PDE4D: variants seen among roughly 807,000 people sequenced by gnomAD.
PDE4D encodes phosphodiesterase 4D.
In PDE4D, 24 loss-of-function variants were observed where a neutral mutation model predicts 87.4. The ratio of observed to expected loss-of-function variants is 0.27; its 90% confidence interval spans 0.20 to 0.39. The LOEUF (loss-of-function observed/expected upper bound fraction) is 0.39. Ranked by LOEUF, PDE4D falls within the 10% of genes least tolerant of loss-of-function variation. The probability of loss-of-function intolerance (pLI) is 1.00; values close to 1 mark genes in which losing one functional copy is unlikely to be tolerated. For synonymous variants in PDE4D, 384 were observed against 383.2 expected, an observed-to-expected ratio of 1.00 and a Z score of -0.02; for missense variants, 714 against 1,041.0, an observed-to-expected ratio of 0.69 and a Z score of 4.32.
intron 2 of PDE4D, among the ~76,000 whole-genome samples, chr5:60,044,520 C>A (rs969353316): frequency 6.6e-6 from 1 of 152,184 alleles, no homozygotes; most frequent in East Asian, 1.9e-4. Context: ...CCCCCTACCC[C>A]CACCCCACAA....
intron 1 of PDE4D, among the ~76,000 whole-genome samples, chr5:59,383,331 T>G (rs1457635382): frequency 6.6e-6 from 1 of 151,968 alleles, no homozygotes; most frequent in Non-Finnish European, 1.5e-5. Flanking sequence ...ATCGCAAGCC[T>G]GCTCCAGTCT....
chr5:59,102,590 C>T (rs886126727), intron 5 of PDE4D, among the ~76,000 whole-genome samples: 3 of 152,146 alleles, frequency 2.0e-5, no homozygotes, highest in Non-Finnish European at 4.4e-5. Flanking sequence ...AAAGCAGAGA[C>T]ACAGACAATA....
intron 3 of PDE4D, among the ~76,000 whole-genome samples, chr5:59,985,948 G>C (rs1308330558): frequency 6.6e-6 from 1 of 152,174 alleles, no homozygotes; most frequent in Non-Finnish European, 1.5e-5. Flanking sequence ...TATTGTTCAA[G>C]GGTCAATTGT....
At chr5:59,202,321 T>G (rs1747676346) in intron 2 of PDE4D, among the ~76,000 whole-genome samples, 1 of 152,140 alleles carries the variant, frequency 6.6e-6, no homozygotes, top group Non-Finnish European at 1.5e-5. Flanking sequence ...ATTACAGGCA[T>G]GATCCACAGC....
intron 2 of PDE4D, among the ~76,000 whole-genome samples, chr5:60,040,734 T>C (rs1265341121): frequency 1.3e-5 from 2 of 152,204 alleles, no homozygotes; most frequent in African/African-American, 2.4e-5. Flanking sequence ...CTATTTTTCT[T>C]TACTGCCTCT....
At chr5:60,225,754 T>C (rs1745018999) in intron 1 of PDE4D, among the ~76,000 whole-genome samples, 1 of 152,102 alleles carries the variant, frequency 6.6e-6, no homozygotes. Context: ...CTAAGTGCTG[T>C]ACAGTACATA....
At chr5:59,953,163 T>A (rs1193096751) in intron 3 of PDE4D, among the ~76,000 whole-genome samples, 1 of 152,136 alleles carries the variant, frequency 6.6e-6, no homozygotes, top group Non-Finnish European at 1.5e-5. Context: ...CAATTAAACA[T>A]AAGGCAGTAT....
intron 6 of PDE4D, among the ~76,000 whole-genome samples, chr5:59,014,805 G>A (rs10472088): frequency 0.1 from 15,309 of 152,128 alleles, 1,025 homozygotes; most frequent in Non-Finnish European, 0.13. Flanking sequence ...AAAAGAGCCC[G>A]CATTGCCAAG....
intron 3 of PDE4D, among the ~76,000 whole-genome samples, chr5:59,908,974 G>C (rs569797452): frequency 1.3e-5 from 2 of 152,160 alleles, no homozygotes; most frequent in South Asian, 2.1e-4. Context: ...GTTTACATTT[G>C]TACATTATTT....
At chr5:59,735,741 A>G (rs933443225) in intron 1 of PDE4D, among the ~76,000 whole-genome samples, 1 of 151,956 alleles carries the variant, frequency 6.6e-6, no homozygotes, top group South Asian at 2.1e-4. Flanking sequence ...ATCTCAGCTC[A>G]CTGAAACCTC....
At chr5:60,312,224 A>G (rs1755105365) in intron 1 of PDE4D, among the ~76,000 whole-genome samples, 1 of 152,154 alleles carries the variant, frequency 6.6e-6, no homozygotes, top group Non-Finnish European at 1.5e-5. Context: ...GAACTCTCCA[A>G]CCAAAAATAA....
intron 1 of PDE4D, among the ~76,000 whole-genome samples, chr5:59,766,117 T>C (rs140627141): frequency 2.6e-5 from 4 of 152,338 alleles, no homozygotes; most frequent in African/African-American, 9.6e-5. Context: ...CCATAGTGCT[T>C]AGCACAAACT....
intron 6 of PDE4D, among the ~76,000 whole-genome samples, chr5:59,009,753 G>A (rs10063540): frequency 0.1 from 15,337 of 152,074 alleles, 1,036 homozygotes; most frequent in Non-Finnish European, 0.13. Context: ...TATACCTCTA[G>A]AAAGAGTAAC....
intron 3 of PDE4D, among the ~76,000 whole-genome samples, chr5:59,900,760 T>C (rs2152762251): frequency 6.6e-6 from 1 of 152,310 alleles, no homozygotes; most frequent in East Asian, 1.9e-4. Context: ...TAAAAATGAA[T>C]CAATATGCCT....
At chr5:59,994,291 A>ATG (rs202112500) in intron 2 of PDE4D, among the ~76,000 whole-genome samples, 29 of 150,708 alleles carry the variant, frequency 1.9e-4, no homozygotes, top group African/African-American at 6.6e-4. Flanking sequence ...TCCCCTTAAG[A>ATG]TGTGTGTGTG....
At chr5:60,366,007 A>G (rs933331910) in intron 1 of PDE4D, among the ~76,000 whole-genome samples, 9 of 148,968 alleles carry the variant, frequency 6.0e-5, no homozygotes, top group African/African-American at 2.2e-4. Flanking sequence ...TCATGCCCCT[A>G]TGCTCCAGCC....
At chr5:59,641,262 G>A (rs1741539183) in intron 1 of PDE4D, among the ~76,000 whole-genome samples, 1 of 152,118 alleles carries the variant, frequency 6.6e-6, no homozygotes, top group African/African-American at 2.4e-5. Context: ...GTTTCATTGA[G>A]ATGTAACTGA....
At chr5:60,507,966 T>C (rs1272983227) in intron 1 of PDE4D, among the ~76,000 whole-genome samples, 1 of 152,208 alleles carries the variant, frequency 6.6e-6, no homozygotes, top group Non-Finnish European at 1.5e-5. Context: ...CAATAACTAG[T>C]TCGAGCGCAT....
At chr5:59,218,347 T>C (rs1290713316) in intron 1 of PDE4D, among the ~76,000 whole-genome samples, 2 of 152,202 alleles carry the variant, frequency 1.3e-5, no homozygotes, top group Non-Finnish European at 2.9e-5. Context: ...ACCAAATTTG[T>C]ATAAATCAGT....
Sources: gnomAD v4.1 joint callset for allele counts (sites outside exome capture counted in the v4.1 genomes callset) on GRCh38, gnomAD v4.1.1 for gene constraint, MANE v1.5 for transcripts, NCBI Gene and HGNC (gene_info 2026-07-23, HGNC 2026-07-21) for gene names.